LINGO1: variants seen among roughly 807,000 people sequenced by gnomAD.
LINGO1 encodes the protein leucine rich repeat and Ig domain containing 1.
Under a neutral mutation model 37.3 loss-of-function variants are expected in LINGO1, and 11 were observed. The observed-to-expected ratio is 0.29, with a 90% CI of 0.19 to 0.49. The LOEUF (loss-of-function observed/expected upper bound fraction) is 0.49. LINGO1 is among the 20% of genes least tolerant of loss of function. The pLI, the probability that LINGO1 is intolerant of heterozygous loss-of-function variation, is 0.99. For synonymous variants in LINGO1, 387 were observed against 403.0 expected, an observed-to-expected ratio of 0.96 and a Z score of 0.48; for missense variants, 585 against 878.2, an observed-to-expected ratio of 0.67 and a Z score of 4.22.
intron 2 of LINGO1, among the ~76,000 whole-genome samples, chr15:77,719,699 C>T (rs924158010): frequency 6.7e-6 from 1 of 150,012 alleles, no homozygotes; most frequent in African/African-American, 2.4e-5. Flanking sequence ...CACACATGCT[C>T]TCATACATAT....
chr15:77,616,735 C>G (rs572310128), intron 1 of LINGO1, among the ~76,000 whole-genome samples: 3 of 152,188 alleles, frequency 2.0e-5, no homozygotes, highest in African/African-American at 7.2e-5. Context: ...GCCCAGGGCC[C>G]GGAGAATGTC....
At chr15:77,664,175 GCGCGCA>G in intron 3 of LINGO1, among the ~76,000 whole-genome samples, 2 of 134,768 alleles carry the variant, frequency 1.5e-5, no homozygotes, top group African/African-American at 4.0e-5. Flanking sequence ...GTGTGTGCGC[GCGCGCA>G]TGCGTTTGCA....
intron 2 of LINGO1, among the ~76,000 whole-genome samples, chr15:77,728,107 C>T (rs974364916): frequency 2.0e-5 from 3 of 152,264 alleles, no homozygotes; most frequent in African/African-American, 7.2e-5. Context: ...CTCCCCCAGT[C>T]CAGGCCTCTT....
intron 3 of LINGO1, among the ~76,000 whole-genome samples, chr15:77,656,201 G>C (rs764731267): frequency 6.6e-6 from 1 of 152,168 alleles, no homozygotes; most frequent in Non-Finnish European, 1.5e-5. Flanking sequence ...CCTGGACAAC[G>C]AATCAGAGAG....
chr15:77,748,975 T>C (rs1328716399), intron 1 of LINGO1, among the ~76,000 whole-genome samples: 1 of 149,924 alleles, frequency 6.7e-6, no homozygotes, highest in African/African-American at 2.5e-5. Flanking sequence ...TGGCGTGATA[T>C]TGGCTCACTG....
intron 2 of LINGO1, among the ~76,000 whole-genome samples, chr15:77,728,891 C>T (rs1390496357): frequency 6.6e-6 from 1 of 152,262 alleles, no homozygotes; most frequent in Non-Finnish European, 1.5e-5. Flanking sequence ...GTGCCTGGCA[C>T]ATAGCGGGCA....
intron 1 of LINGO1, among the ~76,000 whole-genome samples, chr15:77,736,701 G>A (rs1383315222): frequency 1.3e-5 from 2 of 152,200 alleles, no homozygotes; most frequent in African/African-American, 4.8e-5. Flanking sequence ...TTGAGCCCAG[G>A]AGGTGGAGGC....
chr15:77,818,619 G>A (rs1474252105), intron 1 of LINGO1, among the ~76,000 whole-genome samples: 1 of 152,066 alleles, frequency 6.6e-6, no homozygotes, highest in East Asian at 1.9e-4. Context: ...GAAGGCGCGG[G>A]GACACACACA....
intron 1 of LINGO1, among the ~76,000 whole-genome samples, chr15:77,746,150 G>A (rs149991476): frequency 6.7e-6 from 1 of 150,204 alleles, no homozygotes; most frequent in Non-Finnish European, 1.5e-5. Flanking sequence ...CCAGATTGCA[G>A]TGAGTTGTGT....
chr15:77,680,168 G>C (rs1322368355), intron 2 of LINGO1, among the ~76,000 whole-genome samples: 1 of 152,226 alleles, frequency 6.6e-6, no homozygotes, highest in Non-Finnish European at 1.5e-5. Context: ...TCTGGAAGGG[G>C]CTACAAGATG....
chr15:77,813,017 G>A (rs1466442638), intron 1 of LINGO1, among the ~76,000 whole-genome samples: 1 of 152,240 alleles, frequency 6.6e-6, no homozygotes, highest in East Asian at 1.9e-4. Flanking sequence ...GATCAGCCTA[G>A]TTGGCCCCCA....
At chr15:77,775,353 T>C (rs1209667050) in intron 1 of LINGO1, among the ~76,000 whole-genome samples, 1 of 152,150 alleles carries the variant, frequency 6.6e-6, no homozygotes, top group Non-Finnish European at 1.5e-5. Flanking sequence ...TTCCAGGCCC[T>C]TAGACATTCC....
intron 2 of LINGO1, among the ~76,000 whole-genome samples, chr15:77,686,374 A>G (rs949306485): frequency 6.6e-6 from 1 of 152,204 alleles, no homozygotes; most frequent in African/African-American, 2.4e-5. Flanking sequence ...AGAGTCATAA[A>G]GAAGCCCCCA....
At chr15:77,706,596 A>C (rs1457982391) in intron 2 of LINGO1, among the ~76,000 whole-genome samples, 1 of 152,132 alleles carries the variant, frequency 6.6e-6, no homozygotes, top group Admixed American at 6.5e-5. Flanking sequence ...GTTCTCCAGG[A>C]CATGGAATGC....
chr15:77,649,713 G>A (rs2074716062), intron 3 of LINGO1, among the ~76,000 whole-genome samples: 1 of 152,110 alleles, frequency 6.6e-6, no homozygotes, highest in African/African-American at 2.4e-5. Flanking sequence ...GGCAGTTAGG[G>A]GCTCTGGAAT....
At chr15:77,804,808 C>T (rs141163258) in intron 1 of LINGO1, among the ~76,000 whole-genome samples, 1 of 152,324 alleles carries the variant, frequency 6.6e-6, no homozygotes, top group East Asian at 1.9e-4. Context: ...GCCTGCAGAG[C>T]CCCAGGTCCC....
At chr15:77,794,739 C>T (rs1802170092) in intron 2 of LINGO1, among the ~76,000 whole-genome samples, 1 of 151,732 alleles carries the variant, frequency 6.6e-6, no homozygotes, top group Non-Finnish European at 1.5e-5. Context: ...AGGCGCCCGC[C>T]ACCACGCCCT....
At chr15:77,690,354 G>A (rs2075582321) in intron 2 of LINGO1, among the ~76,000 whole-genome samples, 1 of 152,214 alleles carries the variant, frequency 6.6e-6, no homozygotes, top group South Asian at 2.1e-4. Context: ...CTAGAAGCAT[G>A]TTACCACAGA....
intron 3 of LINGO1, among the ~76,000 whole-genome samples, chr15:77,658,604 G>A (rs1303388981): frequency 6.6e-6 from 1 of 152,238 alleles, no homozygotes; most frequent in Admixed American, 6.5e-5. Flanking sequence ...AAGAAAGCAG[G>A]CAGGCCTGGC....
Sources: gnomAD v4.1 joint callset for allele counts (sites outside exome capture counted in the v4.1 genomes callset) on GRCh38, gnomAD v4.1.1 for gene constraint, MANE v1.5 for transcripts, NCBI Gene and HGNC (gene_info 2026-07-23, HGNC 2026-07-21) for gene names.